The following DPP6 variants were observed in gnomAD, a reference collection of about 807,000 sequenced individuals.
DPP6 encodes the protein dipeptidyl peptidase like 6.
A neutral mutation model predicts 122.6 loss-of-function variants in DPP6; 69 were observed. That is an observed-to-expected ratio of 0.56 (90% CI 0.46 to 0.69). DPP6 has a LOEUF of 0.69. Ranked by LOEUF, DPP6 falls within the 30% of genes least tolerant of loss-of-function variation. The pLI, the probability that DPP6 is intolerant of heterozygous loss-of-function variation, is 0.00. For synonymous variants in DPP6, 418 were observed against 433.1 expected, an observed-to-expected ratio of 0.97 and a Z score of 0.43; for missense variants, 928 against 1,116.9, an observed-to-expected ratio of 0.83 and a Z score of 2.41.
chr7:153,826,823 A>C, the DPP6 span, among the ~76,000 whole-genome samples: 1 of 150,526 alleles, frequency 6.6e-6, no homozygotes, highest in Non-Finnish European at 1.5e-5. Flanking sequence ...TCTTTGCTTA[A>C]AAATTATATT....
chr7:154,191,525 C>A (rs1293201936), intron 1 of DPP6, among the ~76,000 whole-genome samples: 3 of 152,164 alleles, frequency 2.0e-5, no homozygotes, highest in African/African-American at 7.2e-5. Flanking sequence ...CTGTGCAGAC[C>A]AGCCTGCATT....
chr7:154,880,820 G>A, intron 20 of DPP6, 68 bp from the exon 21 acceptor site: 1 of 1,613,666 alleles, frequency 6.2e-7, no homozygotes, highest in Non-Finnish European at 8.5e-7. Flanking sequence ...ACATGGCTCT[G>A]GGCTACAGGA....
chr7:153,753,019 C>G, the DPP6 span, among the ~76,000 whole-genome samples: 1 of 152,104 alleles, frequency 6.6e-6, no homozygotes, highest in East Asian at 1.9e-4. Flanking sequence ...GGATATAGGT[C>G]CTGGTAATAA....
chr7:154,152,670 A>T (rs1464662108), intron 1 of DPP6, among the ~76,000 whole-genome samples: 1 of 152,226 alleles, frequency 6.6e-6, no homozygotes, highest in Admixed American at 6.5e-5. Context: ...ATCTATAAGA[A>T]TAAGGGATTC....
chr7:154,212,730 T>C (rs925484837), intron 1 of DPP6, among the ~76,000 whole-genome samples: 11 of 152,186 alleles, frequency 7.2e-5, no homozygotes, highest in Admixed American at 3.9e-4. Context: ...TCATCTAGGA[T>C]AAAATCCTTG....
At chr7:153,866,297 C>T in the DPP6 span, among the ~76,000 whole-genome samples, 3 of 152,158 alleles carry the variant, frequency 2.0e-5, no homozygotes, top group Non-Finnish European at 2.9e-5. Context: ...TATTTCTCTA[C>T]ATCCTCTCCA....
At chr7:154,297,902 T>C (rs1805646496) in intron 1 of DPP6, among the ~76,000 whole-genome samples, 1 of 152,208 alleles carries the variant, frequency 6.6e-6, no homozygotes, top group Admixed American at 6.5e-5. Flanking sequence ...TTCCAGTTGC[T>C]GCCTGTCATG....
At chr7:154,670,259 C>T (rs541165067) in intron 7 of DPP6, among the ~76,000 whole-genome samples, 8 of 152,284 alleles carry the variant, frequency 5.3e-5, no homozygotes, top group East Asian at 1.9e-4. Flanking sequence ...GCAGCCTTCT[C>T]GGTTTCTATC....
At chr7:154,565,886 G>C (rs1343677404) in intron 4 of DPP6, among the ~76,000 whole-genome samples, 2 of 152,200 alleles carry the variant, frequency 1.3e-5, no homozygotes, top group African/African-American at 4.8e-5. Context: ...GCCTGAGCAT[G>C]CATAGAGTGA....
intron 5 of DPP6, among the ~76,000 whole-genome samples, chr7:154,610,862 C>A (rs1563007479): frequency 6.6e-6 from 1 of 152,108 alleles, no homozygotes; most frequent in Non-Finnish European, 1.5e-5. Flanking sequence ...AGTTTAATCC[C>A]AGCATTTTAT....
At chr7:154,837,074 C>G (rs1801107308) in intron 16 of DPP6, among the ~76,000 whole-genome samples, 1 of 152,228 alleles carries the variant, frequency 6.6e-6, no homozygotes, top group Admixed American at 6.5e-5. Context: ...TACACATGCA[C>G]TCACACATGT....
At chr7:154,200,381 A>T (rs1413281133) in intron 1 of DPP6, among the ~76,000 whole-genome samples, 2 of 152,182 alleles carry the variant, frequency 1.3e-5, no homozygotes, top group Non-Finnish European at 2.9e-5. Flanking sequence ...TGAAATGCAC[A>T]GTAGATGAGT....
chr7:154,703,493 C>T (rs1840639095), intron 7 of DPP6, among the ~76,000 whole-genome samples: 1 of 151,888 alleles, frequency 6.6e-6, no homozygotes, highest in Non-Finnish European at 1.5e-5. Context: ...ATGGTGGGTG[C>T]CTGTAATCTT....
intron 1 of DPP6, among the ~76,000 whole-genome samples, chr7:154,077,920 C>T (rs1242858335): frequency 2.6e-5 from 4 of 152,198 alleles, no homozygotes; most frequent in South Asian, 2.1e-4. Flanking sequence ...CTGCCCTCCT[C>T]GGCCTCCCAA....
chr7:154,407,427 AG>A (rs2151198791), intron 1 of DPP6, among the ~76,000 whole-genome samples: 1 of 152,310 alleles, frequency 6.6e-6, no homozygotes, highest in African/African-American at 2.4e-5. Flanking sequence ...TTCAGTGCCT[AG>A]CCACTGTCTC....
At chr7:154,674,728 G>T (rs2131132713) in intron 7 of DPP6, among the ~76,000 whole-genome samples, 1 of 152,342 alleles carries the variant, frequency 6.6e-6, no homozygotes, top group South Asian at 2.1e-4. Context: ...CAGATGAAGA[G>T]CAGTGGAGTA....
intron 7 of DPP6, among the ~76,000 whole-genome samples, chr7:154,716,409 C>G (rs1841485834): frequency 6.6e-6 from 1 of 152,178 alleles, no homozygotes; most frequent in African/African-American, 2.4e-5. Flanking sequence ...CTAAATGCAT[C>G]AGATCTGTGA....
chr7:153,785,072 T>C, the DPP6 span, among the ~76,000 whole-genome samples: 1 of 152,204 alleles, frequency 6.6e-6, no homozygotes, highest in Non-Finnish European at 1.5e-5. Context: ...TTTCTTGTCA[T>C]CCCTGTTGTT....
intron 4 of DPP6, among the ~76,000 whole-genome samples, chr7:154,553,984 G>C (rs955126605): frequency 6.6e-6 from 1 of 150,824 alleles, no homozygotes; most frequent in South Asian, 2.1e-4. Context: ...GAACCGAGCT[G>C]TAAACCATCT....
Sources: allele counts gnomAD v4.1 joint callset (sites outside exome capture counted in the v4.1 genomes callset), GRCh38; gene constraint gnomAD v4.1.1; transcripts MANE v1.5; gene names NCBI Gene and HGNC (gene_info 2026-07-23, HGNC 2026-07-21).